The following NBPF9 variants were observed in gnomAD, a reference collection of about 807,000 sequenced individuals.
NBPF9 encodes the protein NBPF family member NBPF9.
A neutral mutation model predicts 97.8 loss-of-function variants in NBPF9; 91 were observed. The ratio of observed to expected loss-of-function variants is 0.93; its 90% confidence interval spans 0.79 to 1.11. The LOEUF is 1.11. Ranked by LOEUF, NBPF9 falls within the 50% of genes least tolerant of loss-of-function variation. The pLI, the probability that NBPF9 is intolerant of heterozygous loss-of-function variation, is 0.00. For missense variants in NBPF9, 992 were observed against 939.5 expected, an observed-to-expected ratio of 1.06 and a Z score of -0.73; for synonymous variants, 334 against 359.5, an observed-to-expected ratio of 0.93 and a Z score of 0.80.
At chr1:149,080,382 T>C (rs1367062350) in intron 7 of NBPF9, among the ~76,000 whole-genome samples, 1 of 150,504 alleles carries the variant, frequency 6.6e-6, no homozygotes, top group Admixed American at 6.6e-5. Context: ...ATCAAGGAAG[T>C]TGACAAGATG....
At position 149,062,277 on chromosome 1, in the gene NBPF9, G is replaced by A. The variant is rs1553650270; in HGVS notation, c.2079-12C>T. Reference sequence around the variant, plus strand: ...GCTCCCTGCTGAGCCTGGAAAAGTAGGAAAAAGTAAAGAATAAGCCAGGGG... The same window carrying A: ...GCTCCCTGCTGAGCCTGGAAAAGTAAGAAAAAGTAAAGAATAAGCCAGGGG... On this transcript the variant is annotated splice_polypyrimidine_tract_variant and intron_variant, in intron 21 of 29. Transcript: ENST00000584027. The A allele has an allele frequency of 3.0e-6, 2 of 659,746 alleles. No homozygotes were observed. Among genetic ancestry groups the A allele is most frequent in the Non-Finnish European group, 5.5e-6 (2 of 366,526 alleles). The allele number at this position is 659,746 out of a possible 1,614,324, so 40.9% of individuals were successfully genotyped here.
At chr1:149,090,297 G>A (rs1429216324) in intron 5 of NBPF9, 7 of 163,690 alleles carry the variant, frequency 4.3e-5, no homozygotes, top group Admixed American at 4.0e-4. Flanking sequence ...GCGTCCAGTT[G>A]AAAAAACTTT....
rs1451299494 is a variant in NBPF9 at position 149,062,848 on chromosome 1, T to C, written c.2078+14A>G. 1 of 665,100 alleles carries C rather than the reference T, an allele frequency of 1.5e-6. No individual in the cohort carries two copies. The highest frequency in any genetic ancestry group is 1.9e-5 in the African/African-American group (1 of 53,768). The allele number at this position is 665,100 out of a possible 1,614,324, so 41.2% of individuals were successfully genotyped here. A position where few individuals can be genotyped will look rare whatever the true frequency, so the allele number is the denominator to read the frequency against. ...TCAACACAGAATTAAGCATCCATAA[T>C]TGCTCAAAGTTACCTGGGGCATGAT... On this transcript the variant is annotated intron_variant, in intron 21 of 29. Transcript: ENST00000584027.
chr1:149,079,223 T>G lies in NBPF9; in HGVS notation c.279-2A>C, dbSNP rs2080183707. 1 of 806,814 alleles carries G rather than the reference T, an allele frequency of 1.2e-6. No homozygotes were observed. Among genetic ancestry groups the G allele is most frequent in the Non-Finnish European group, 2.2e-6 (1 of 448,810 alleles). 50.0% of individuals were successfully genotyped at this position (806,814 alleles called of 1,614,324 possible). ...GAGTGAACCAGGACTTTATATTGCC[T>G]AAGGTGAGACGGTAGAGAAAATTTA... On this transcript the variant is annotated splice_acceptor_variant, in intron 8 of 29. Transcript: ENST00000584027. LOFTEE classifies it high-confidence loss of function.
chr1:149,096,850 A>AGAG (rs1245366281), intron 4 of NBPF9, among the ~76,000 whole-genome samples: 4 of 89,666 alleles, frequency 4.5e-5, no homozygotes, highest in African/African-American at 1.8e-4. Flanking sequence ...CCCACAAATC[A>AGAG]GAGGAGGAGG....
At chr1:149,073,930 G>A in intron 12 of NBPF9, 60 bp from the exon 13 acceptor site, 1 of 1,187,202 alleles carries the variant, frequency 8.4e-7, no homozygotes, top group Non-Finnish European at 1.2e-6. Flanking sequence ...TGTGGTCACT[G>A]CCTACAGGGC....
At position 149,080,357 on chromosome 1, in the gene NBPF9, GAACCTC is replaced by G. The variant is rs1183329172; in HGVS notation, c.176-208_176-203del. On this transcript the variant is annotated intron_variant, in intron 7 of 29. Coordinates refer to ENST00000584027, the Ensembl canonical transcript of NBPF9. ...TCCAAAATTTAAAGACGAAGAAAGA[GAACCTC>G]AAGGGCGCATCAAGGAAGTTGACAA... 6.6e-4 allele frequency among the ~76,000 whole-genome samples: 99 copies of G among 150,228 alleles called. No individual in the cohort carries two copies. The Middle Eastern group carries it at 0.01, about 16-fold the overall frequency.
chr1:149,073,032 C>A (rs1317705167), intron 13 of NBPF9, 100 bp from the exon 14 acceptor site: 2 of 1,312,602 alleles, frequency 1.5e-6, no homozygotes, highest in South Asian at 1.2e-5. Flanking sequence ...TCAAGGAGAC[C>A]TCGAAGCAGA....
intron 3 of NBPF9, among the ~76,000 whole-genome samples, chr1:149,100,007 T>A (rs1473950600): frequency 6.8e-6 from 1 of 146,344 alleles, no homozygotes. Context: ...AATGGTTCGA[T>A]GTAGTCCTAA....
At chr1:149,079,712 T>A (rs2080240021) in intron 8 of NBPF9, among the ~76,000 whole-genome samples, 1 of 151,066 alleles carries the variant, frequency 6.6e-6, no homozygotes, top group African/African-American at 2.4e-5. Flanking sequence ...AGTCAGGAGG[T>A]GATTCTCACT....
chr1:149,057,723 A>ACT, intron 27 of NBPF9, among the ~76,000 whole-genome samples: 1 of 91,294 alleles, frequency 1.1e-5, no homozygotes, highest in Non-Finnish European at 2.4e-5. Context: ...ACACACACAC[A>ACT]CACACACACA....
At position 149,063,503 on chromosome 1, in the gene NBPF9, G is replaced by C. The variant is rs371635393; in HGVS notation, c.2026+130C>G. 6.3e-5 allele frequency: 44 copies of C among 697,852 alleles called. 7 individuals are homozygous for C. The highest frequency in any genetic ancestry group is 3.5e-4 in the East Asian group (9 of 25,886). 43.2% of individuals were successfully genotyped at this position (697,852 alleles called of 1,614,324 possible). A position where few individuals can be genotyped will look rare whatever the true frequency, so the allele number is the denominator to read the frequency against. On this transcript the variant is annotated intron_variant, in intron 20 of 29. Coordinates refer to ENST00000584027, the Ensembl canonical transcript of NBPF9. ...AAGTGGAACTAGAGTTTCATTCAAC[G>C]TACATGTGCCTATAGGTCCTCCCTG...
chr1:149,082,957 C>CTTTTTTTTTTTTTTTTTTT (rs1157992196), intron 5 of NBPF9, among the ~76,000 whole-genome samples: 32 of 66,462 alleles, frequency 4.8e-4, no homozygotes, highest in Middle Eastern at 0.015. Context: ...TTTTTCTTTT[C>CTTTTTTTTTTTTTTTTTTT]TTTTTTTTTT....
intron 4 of NBPF9, among the ~76,000 whole-genome samples, chr1:149,097,070 GAGGA>G (rs1406281451): frequency 2.9e-5 from 4 of 138,218 alleles, no homozygotes; most frequent in Non-Finnish European, 4.7e-5. Flanking sequence ...GGGAAGGAAG[GAGGA>G]AGGGAGGAAG....
At chr1:149,075,582 G>T in intron 12 of NBPF9, 73 bp downstream of exon 12, 2 of 1,399,282 alleles carry the variant, frequency 1.4e-6, no homozygotes, top group South Asian at 2.3e-5. Context: ...TTGATGGAGA[G>T]AGCACTTAGT....
chr1:149,062,464 G>GGAGAGA, intron 21 of NBPF9, among the ~76,000 whole-genome samples, 199 bp from the exon 22 acceptor site: 1 of 142,956 alleles, frequency 7.0e-6, no homozygotes, highest in South Asian at 2.3e-4. Flanking sequence ...ACAGGGAGAG[G>GGAGAGA]GAGAGAGAGA....
At position 149,082,880 on chromosome 1, in the gene NBPF9, C is replaced by T. The variant is rs1466878278; in HGVS notation, c.-194-450G>A. ...CTGCAAGCTCTGCCTCCCAGGTTCA[C>T]GCTATTCTCCTGCCTCAGACTCCCA... is the stretch of plus-strand genomic sequence containing the variant. On this transcript the variant is annotated intron_variant, in intron 5 of 29. Coordinates refer to ENST00000584027, the Ensembl canonical transcript of NBPF9. Among the ~76,000 whole-genome samples, 111 of 147,634 alleles carry T rather than the reference C, an allele frequency of 7.5e-4. 2 individuals are homozygous for T. Among genetic ancestry groups the T allele is most frequent in the Middle Eastern group, 3.5e-3 (1 of 284 alleles).
chr1:149,082,194 A>T lies in NBPF9; in HGVS notation c.-35-20T>A. ...CAGGGACTGGGGAGAAGAAACCCAA[A>T]CATATGATGGGTTAAAAACTGGTGA... On this transcript the variant is annotated intron_variant, in intron 6 of 29. Coordinates refer to ENST00000584027, the Ensembl canonical transcript of NBPF9. 1 of 1,603,650 alleles carries T rather than the reference A, an allele frequency of 6.2e-7. No individual in the cohort carries two copies. Among genetic ancestry groups the T allele is most frequent in the South Asian group, 1.1e-5 (1 of 90,740 alleles).
chr1:149,102,448 C>T (rs1553245160), intron 2 of NBPF9, among the ~76,000 whole-genome samples: 5 of 152,012 alleles, frequency 3.3e-5, no homozygotes, highest in East Asian at 3.9e-4. Context: ...GCAGATCTTT[C>T]CTTTAACCTC....
Sources: allele counts gnomAD v4.1 joint callset (sites outside exome capture counted in the v4.1 genomes callset), GRCh38; gene constraint gnomAD v4.1.1; transcripts MANE v1.5; gene names NCBI Gene and HGNC (gene_info 2026-07-23, HGNC 2026-07-21).